Variants in SLC2A3 observed in about 807,000 individuals in gnomAD.
SLC2A3 encodes solute carrier family 2 member 3, also known as solute carrier family 2, facilitated glucose transporter member 3.
In SLC2A3, 21 loss-of-function variants were observed where a neutral mutation model predicts 46.4. The observed-to-expected ratio is 0.45, with a 90% confidence interval of 0.32 to 0.65. The LOEUF is 0.65. Ranked by LOEUF, SLC2A3 falls within the 30% of genes least tolerant of loss-of-function variation. SLC2A3 has a pLI of 0.04. For missense variants in SLC2A3, 499 were observed against 623.3 expected (o/e 0.80, Z 2.12); for synonymous variants, 213 against 239.4 (o/e 0.89, Z 1.02).
At chr12:7,934,485 TC>T (rs78790519) in intron 1 of SLC2A3, among the ~76,000 whole-genome samples, 6,067 of 152,024 alleles carry the variant, frequency 0.04, 330 homozygotes, top group African/African-American at 0.12. Context: ...AGTTCTGCTA[TC>T]CCTAACTCCC....
chr12:7,930,343 C>G, intron 5 of SLC2A3, 137 bp downstream of exon 5: 3 of 945,380 alleles, frequency 3.2e-6, no homozygotes, highest in Non-Finnish European at 1.6e-6. Flanking sequence ...AAATTTTACT[C>G]AGGAGTAATC....
intron 9 of SLC2A3, among the ~76,000 whole-genome samples, chr12:7,922,089 A>G (rs9795658): frequency 0.043 from 6,475 of 151,860 alleles, 375 homozygotes; most frequent in East Asian, 0.23. Context: ...AAGGTTGATC[A>G]CAGCTCACCA....
At position 7,933,086 on chromosome 12, in the gene SLC2A3, ACCTCAGAG is replaced by A; in HGVS notation, c.162_169del (p.Ser55AlafsTer55). The A allele has an allele frequency of 6.2e-7, 1 of 1,614,122 alleles. No homozygotes were observed. Among genetic ancestry groups the A allele is most frequent in the Non-Finnish European group, 8.5e-7 (1 of 1,180,016 alleles). ...CAAGGACCAGAGAGACGTGAGCAGC[ACCTCAGAG>A]GGTGGGGCATTTCCCTTGTCCGTCA... is the stretch of plus-strand genomic sequence containing the variant. On this transcript the variant is annotated frameshift_variant, in exon 3 of 10. Transcript: ENST00000075120. LOFTEE classifies it high-confidence loss of function.
chr12:7,936,050 CAA>C lies in SLC2A3; in HGVS notation c.-18_-17del. 6.2e-7 allele frequency: 1 copy of C among 1,602,696 alleles called. No homozygotes were observed. Among genetic ancestry groups the C allele is most frequent in the Non-Finnish European group, 8.5e-7 (1 of 1,169,664 alleles). On this transcript the variant is annotated 5_prime_UTR_variant, in exon 1 of 10. Coordinates refer to ENST00000075120, the MANE Select transcript of SLC2A3 (RefSeq NM_006931.3). ...GTGTCCCCATCGCTGTAATCTAATT[CAA>C]GTCTTCAAGAAAGATCTAGGGGTGA...
chr12:7,933,281 A>T, intron 2 of SLC2A3, 134 bp from the exon 3 acceptor site: 1 of 974,474 alleles, frequency 1.0e-6, no homozygotes, highest in Admixed American at 2.8e-5. Flanking sequence ...CAGATAACGT[A>T]TTGGAATTTA....
chr12:7,921,332 G>A lies in SLC2A3; in HGVS notation c.*81C>T. The A allele has an allele frequency of 6.2e-7, 1 of 1,607,160 alleles. No individual in the cohort carries two copies. The highest frequency in any genetic ancestry group is 8.5e-7 in the Non-Finnish European group (1 of 1,175,794). On this transcript the variant is annotated 3_prime_UTR_variant, in exon 10 of 10. Coordinates refer to ENST00000075120, the MANE Select transcript of SLC2A3 (RefSeq NM_006931.3). Reference sequence around the variant, plus strand: ...AGTAGCAGCATTCAGAAGCGTCCTGGGTTCATCCTGATGAGGTCTCTCCCT... The same window carrying A: ...AGTAGCAGCATTCAGAAGCGTCCTGAGTTCATCCTGATGAGGTCTCTCCCT...
At chr12:7,930,792 GTTTTTT>G (rs66814289) in intron 4 of SLC2A3, 150 bp from the exon 5 acceptor site, 211 of 246,844 alleles carry the variant, frequency 8.5e-4, no homozygotes, top group Middle Eastern at 1.4e-3. Context: ...ACTCAGCATG[GTTTTTT>G]TTTTTTTTTT....
intron 6 of SLC2A3, among the ~76,000 whole-genome samples, chr12:7,927,472 A>G (rs1410629842): frequency 1.3e-5 from 2 of 152,148 alleles, no homozygotes; most frequent in African/African-American, 2.4e-5. Flanking sequence ...GGTAACCCCT[A>G]CATCATCTCA....
chr12:7,929,259 CCA>C (rs1286848830), intron 6 of SLC2A3, among the ~76,000 whole-genome samples: 1 of 152,078 alleles, frequency 6.6e-6, no homozygotes, highest in African/African-American at 2.4e-5. Flanking sequence ...TTCCTACAAT[CCA>C]CAGTCAAATG....
intron 6 of SLC2A3, among the ~76,000 whole-genome samples, chr12:7,929,346 A>T (rs1467329280): frequency 6.6e-6 from 1 of 152,014 alleles, no homozygotes; most frequent in Non-Finnish European, 1.5e-5. Context: ...CCCTCTTTAA[A>T]CTATCATCTA....
At chr12:7,934,615 G>A (rs1394849316) in intron 1 of SLC2A3, among the ~76,000 whole-genome samples, 6 of 152,008 alleles carry the variant, frequency 3.9e-5, no homozygotes, top group Non-Finnish European at 5.9e-5. Flanking sequence ...TAATTCAGCC[G>A]GGCGAGACAT....
At chr12:7,935,354 AG>A (rs559892741) in intron 1 of SLC2A3, among the ~76,000 whole-genome samples, 1 of 152,120 alleles carries the variant, frequency 6.6e-6, no homozygotes, top group Non-Finnish European at 1.5e-5. Context: ...CAGGAGGCTG[AG>A]GCAGGAGAAT....
At chr12:7,926,534 TTC>T (rs1417000279) in intron 6 of SLC2A3, among the ~76,000 whole-genome samples, 1 of 152,168 alleles carries the variant, frequency 6.6e-6, no homozygotes, top group Non-Finnish European at 1.5e-5. Context: ...ACTAACTGGT[TTC>T]TTTTTTATAA....
At position 7,924,419 on chromosome 12, in the gene SLC2A3, C is replaced by A; in HGVS notation, c.1059G>T (p.Leu353Phe). The A allele has an allele frequency of 6.2e-7, 1 of 1,610,346 alleles. No homozygotes were observed. Among genetic ancestry groups the A allele is most frequent in the Non-Finnish European group, 8.5e-7 (1 of 1,179,026 alleles). ...CCCAAAGAGCACCTACCTTTAATAA[C>A]AAAGAAACAGTCATGAGCGTGGAAC... ...AFCSTLMTVS[L>F]LLKDNYNGMS... The change falls in exon 8 of 10, where the codon TTG becomes TTT. Residue 353 changes from leucine to phenylalanine, a missense_variant. Physicochemically the swap from Leu to Phe is conservative, Grantham distance 22. This residue lies in a region of SLC2A3 where 179 missense variants were observed against 205.1 expected (regional missense o/e 0.87). Transcript: ENST00000075120.
chr12:7,922,809 G>A lies in SLC2A3; in HGVS notation c.1272+12C>T. 6.2e-7 allele frequency: 1 copy of A among 1,613,920 alleles called. No homozygotes were observed. The highest frequency in any genetic ancestry group is 8.5e-7 in the Non-Finnish European group (1 of 1,179,868). ...ACATAGGCTGGTTTTAAGATAAGGT[G>A]AGTTTACTTACAGCAGCGGAGGGGA... is the stretch of plus-strand genomic sequence containing the variant. On this transcript the variant is annotated intron_variant, in intron 9 of 9. Coordinates refer to ENST00000075120, the MANE Select transcript of SLC2A3 (RefSeq NM_006931.3).
intron 1 of SLC2A3, among the ~76,000 whole-genome samples, chr12:7,934,937 G>A (rs890962409): frequency 6.6e-6 from 1 of 152,072 alleles, no homozygotes; most frequent in African/African-American, 2.4e-5. Context: ...CTATCTTTGA[G>A]AGCCTTTTCT....
At position 7,921,316 on chromosome 12, in the gene SLC2A3, A is replaced by C. The variant is rs1946034548; in HGVS notation, c.*97T>G. The C allele has an allele frequency of 3.8e-6, 6 of 1,589,552 alleles. No individual in the cohort carries two copies. Among genetic ancestry groups the C allele is most frequent in the Non-Finnish European group, 4.3e-6 (5 of 1,166,406 alleles). ...GATGAGAAAGGAATTAAGTAGCAGCATTCAGAAGCGTCCTGGGTTCATCCT... is the reference window on the plus strand; with the variant it reads ...GATGAGAAAGGAATTAAGTAGCAGCCTTCAGAAGCGTCCTGGGTTCATCCT... On this transcript the variant is annotated 3_prime_UTR_variant, in exon 10 of 10. Transcript: ENST00000075120.
chr12:7,921,365 GGA>G lies in SLC2A3; in HGVS notation c.*46_*47del, dbSNP rs760620682. ...CTGATGAGGTCTCTCCCTTGTTGAG[GGA>G]GAGGTGGCTTTCCCATGCCGGGAGG... is the stretch of plus-strand genomic sequence containing the variant. On this transcript the variant is annotated 3_prime_UTR_variant, in exon 10 of 10. Coordinates refer to ENST00000075120, the MANE Select transcript of SLC2A3 (RefSeq NM_006931.3). 1.9e-6 allele frequency: 3 copies of G among 1,613,462 alleles called. No individual in the cohort carries two copies. The African/African-American group carries it at 4.0e-5, about 22-fold the overall frequency.
Position 7,922,950 on chromosome 12 carries a change from T to G in SLC2A3, c.1143A>C (p.Pro381=). The G allele has an allele frequency of 6.2e-7, 1 of 1,614,110 alleles. No individual in the cohort carries two copies. Among genetic ancestry groups the G allele is most frequent in the Non-Finnish European group, 8.5e-7 (1 of 1,180,014 alleles). ...LVFVAFFEIG[P]GPIPWFIVAE... is the part of the protein sequence containing the mutation. Reference sequence around the variant, plus strand: ...CCACAATAAACCAGGGAATGGGGCCTGGTCCAATTTCAAAGAAGGCTACAA... The same window carrying G: ...CCACAATAAACCAGGGAATGGGGCCGGGTCCAATTTCAAAGAAGGCTACAA... Residue 381 remains proline, a synonymous_variant, in exon 9 of 10, where the codon CCA becomes CCC. Coordinates refer to ENST00000075120, the MANE Select transcript of SLC2A3 (RefSeq NM_006931.3).
Sources: gnomAD v4.1 joint callset for allele counts (sites outside exome capture counted in the v4.1 genomes callset) on GRCh38, gnomAD v4.1.1 for gene constraint, gnomAD v4.1.1 regional missense constraint, MANE v1.5 for transcripts, NCBI Gene and HGNC (gene_info 2026-07-23, HGNC 2026-07-21) for gene names.